ANK3: variants seen among roughly 807,000 people sequenced by gnomAD.
ANK3 encodes ankyrin-3.
Under a neutral mutation model 370.9 loss-of-function variants are expected in ANK3, and 57 were observed. That is an observed-to-expected ratio of 0.15 (90% confidence interval 0.12 to 0.19). The LOEUF (loss-of-function observed/expected upper bound fraction) is 0.19, where lower values mean the gene tolerates loss of function less well. ANK3 is among the 10% of genes least tolerant of loss of function. The probability of loss-of-function intolerance (pLI) is 1.00; values close to 1 mark genes in which losing one functional copy is unlikely to be tolerated. For synonymous variants in ANK3, 1,929 were observed against 1,946.3 expected, an observed-to-expected ratio of 0.99 and a Z score of 0.23; for missense variants, 4,439 against 5,302.1, an observed-to-expected ratio of 0.84 and a Z score of 5.06.
At chr10:60,046,093 A>G (rs949646380) in intron 42 of ANK3, among the ~76,000 whole-genome samples, 4 of 152,186 alleles carry the variant, frequency 2.6e-5, no homozygotes, top group African/African-American at 4.8e-5. Context: ...GCTTATGACA[A>G]GTTTGAATCA....
intron 42 of ANK3, among the ~76,000 whole-genome samples, chr10:60,045,421 C>G (rs2076788926): frequency 6.6e-6 from 1 of 152,166 alleles, no homozygotes. Context: ...TAGTATCTCT[C>G]CACTAGCTCT....
chr10:60,076,486 A>G (rs747226412), intron 36 of ANK3, 38 bp from the exon 37 acceptor site: 42 of 1,528,834 alleles, frequency 2.7e-5, no homozygotes, highest in Admixed American at 4.4e-5. Flanking sequence ...AAACACAAAA[A>G]TCAACAAAAA....
chr10:60,404,310 G>C (rs1242269845), intron 2 of ANK3, among the ~76,000 whole-genome samples: 1 of 151,894 alleles, frequency 6.6e-6, no homozygotes, highest in Admixed American at 6.6e-5. Context: ...TAATAACAAA[G>C]TTGAAAGAGT....
intron 17 of ANK3, among the ~76,000 whole-genome samples, chr10:60,186,350 T>C (rs59482242): frequency 1.3e-5 from 2 of 150,892 alleles, no homozygotes; most frequent in Non-Finnish European, 1.5e-5. Context: ...TTTCTGTCTT[T>C]TTTTTTTTTT....
At chr10:60,415,251 A>G (rs542796078) in intron 2 of ANK3, among the ~76,000 whole-genome samples, 1 of 152,280 alleles carries the variant, frequency 6.6e-6, no homozygotes, top group East Asian at 1.9e-4. Flanking sequence ...TTGTGGAAGG[A>G]GCATCATGCC....
intron 7 of ANK3, among the ~76,000 whole-genome samples, chr10:60,236,351 C>A (rs1342389201): frequency 6.7e-6 from 1 of 150,278 alleles, no homozygotes; most frequent in Non-Finnish European, 1.5e-5. Context: ...CAAATTCTCC[C>A]ATTATCTCCA....
chr10:60,339,461 C>T (rs2053762113), intron 1 of ANK3, among the ~76,000 whole-genome samples: 1 of 152,138 alleles, frequency 6.6e-6, no homozygotes, highest in Non-Finnish European at 1.5e-5. Context: ...TCAGTTCTCC[C>T]TGTCATGTAA....
chr10:60,385,957 G>A (rs1180872253), intron 1 of ANK3, among the ~76,000 whole-genome samples: 1 of 152,068 alleles, frequency 6.6e-6, no homozygotes, highest in Admixed American at 6.6e-5. Flanking sequence ...GGCATGACAC[G>A]CAGGTAACAT....
At chr10:60,708,910 G>A (rs1476520728) in intron 1 of ANK3, among the ~76,000 whole-genome samples, 1 of 152,064 alleles carries the variant, frequency 6.6e-6, no homozygotes, top group Non-Finnish European at 1.5e-5. Flanking sequence ...AGCAACAGGA[G>A]AGACAAAAAC....
At chr10:60,145,943 T>G in intron 23 of ANK3, 2 of 744,004 alleles carry the variant, frequency 2.7e-6, no homozygotes, top group Non-Finnish European at 4.7e-6. Context: ...CTATATTTAC[T>G]GGGGCAAAGA....
intron 1 of ANK3, among the ~76,000 whole-genome samples, chr10:60,372,245 CA>C (rs1046007139): frequency 2.6e-5 from 4 of 152,158 alleles, no homozygotes; most frequent in African/African-American, 9.7e-5. Flanking sequence ...GCCTTCTCCC[CA>C]AAACAACTGT....
chr10:60,520,201 T>C (rs925867814), intron 2 of ANK3, among the ~76,000 whole-genome samples: 5 of 152,120 alleles, frequency 3.3e-5, no homozygotes, highest in Admixed American at 3.3e-4. Flanking sequence ...AAATTCTGCA[T>C]GTTCTCATAA....
At chr10:60,483,557 T>C (rs1190392038) in intron 2 of ANK3, among the ~76,000 whole-genome samples, 1 of 152,252 alleles carries the variant, frequency 6.6e-6, no homozygotes, top group Non-Finnish European at 1.5e-5. Flanking sequence ...TGGGTTCTGT[T>C]CAGCTCTTTT....
chr10:60,492,882 C>T (rs2075555675), intron 2 of ANK3, among the ~76,000 whole-genome samples: 1 of 150,066 alleles, frequency 6.7e-6, no homozygotes, highest in African/African-American at 2.5e-5. Context: ...CGAGACCATC[C>T]TGGTTAACAC....
chr10:60,667,630 G>A (rs1296148905), intron 1 of ANK3, among the ~76,000 whole-genome samples: 2 of 151,028 alleles, frequency 1.3e-5, no homozygotes, highest in African/African-American at 2.5e-5. Context: ...TCATTTTTTT[G>A]TTCCCTTTGT....
chr10:60,463,179 C>T (rs1399360512), intron 2 of ANK3, among the ~76,000 whole-genome samples: 1 of 152,182 alleles, frequency 6.6e-6, no homozygotes, highest in Non-Finnish European at 1.5e-5. Context: ...GCTGGGGTTA[C>T]AGGTGCAAGT....
chr10:60,589,428 T>C (rs1226593399), intron 2 of ANK3, among the ~76,000 whole-genome samples: 2 of 152,252 alleles, frequency 1.3e-5, no homozygotes, highest in Non-Finnish European at 2.9e-5. Flanking sequence ...ATCTTCTATA[T>C]GAAATGGCAT....
chr10:60,571,652 C>T (rs906920076), intron 2 of ANK3, among the ~76,000 whole-genome samples: 4 of 152,164 alleles, frequency 2.6e-5, no homozygotes, highest in African/African-American at 9.7e-5. Context: ...TACAGATGCA[C>T]AACTGTCTTT....
At chr10:60,620,709 G>T (rs1479162547) in intron 1 of ANK3, among the ~76,000 whole-genome samples, 1 of 152,100 alleles carries the variant, frequency 6.6e-6, no homozygotes, top group African/African-American at 2.4e-5. Flanking sequence ...TTGTGTTATT[G>T]CTTTTTGTTC....
Sources: gnomAD v4.1 joint callset for allele counts (sites outside exome capture counted in the v4.1 genomes callset) on GRCh38, gnomAD v4.1.1 for gene constraint, MANE v1.5 for transcripts, NCBI Gene and HGNC (gene_info 2026-07-23, HGNC 2026-07-21) for gene names.